The following CACNA2D1 variants were observed in gnomAD, a reference collection of about 807,000 sequenced individuals.
CACNA2D1 encodes the protein voltage-dependent calcium channel subunit alpha-2/delta-1.
Under a neutral mutation model 171.5 loss-of-function variants are expected in CACNA2D1, and 53 were observed. The ratio of observed to expected loss-of-function variants is 0.31; its 90% CI spans 0.25 to 0.39. The LOEUF is 0.39. CACNA2D1 is among the 10% of genes least tolerant of loss of function. The pLI, the probability that CACNA2D1 is intolerant of heterozygous loss-of-function variation, is 1.00. For missense variants in CACNA2D1, 903 were observed against 1,299.8 expected (o/e 0.69, Z 4.69); for synonymous variants, 442 against 443.1 (o/e 1.00, Z 0.03).
At chr7:82,171,583 G>A (rs1379830388) in intron 3 of CACNA2D1, among the ~76,000 whole-genome samples, 1 of 152,022 alleles carries the variant, frequency 6.6e-6, no homozygotes, top group African/African-American at 2.4e-5. Flanking sequence ...GACTAAATGA[G>A]TTACAAAGTG....
intron 3 of CACNA2D1, among the ~76,000 whole-genome samples, chr7:82,192,169 A>C (rs1348158999): frequency 2.6e-5 from 4 of 151,862 alleles, no homozygotes; most frequent in African/African-American, 7.2e-5. Context: ...AAATGAAAAA[A>C]AAAACCTAAA....
intron 1 of CACNA2D1, among the ~76,000 whole-genome samples, chr7:82,415,948 C>A (rs1385039007): frequency 6.6e-6 from 1 of 151,926 alleles, no homozygotes; most frequent in African/African-American, 2.4e-5. Flanking sequence ...TGTGAGGTGG[C>A]TCACACCTGT....
At chr7:82,111,419 T>A (rs1249004867) in intron 6 of CACNA2D1, among the ~76,000 whole-genome samples, 2 of 80,766 alleles carry the variant, frequency 2.5e-5, no homozygotes, top group Non-Finnish European at 5.0e-5. Context: ...TATATGTGTA[T>A]ATATGTGTGT....
intron 3 of CACNA2D1, among the ~76,000 whole-genome samples, chr7:82,183,335 G>T (rs74353514): frequency 0.032 from 4,937 of 152,118 alleles, 159 homozygotes; most frequent in East Asian, 0.11. Flanking sequence ...AAGATGGGCA[G>T]ATACTACACA....
chr7:81,977,554 C>A (rs567741553), intron 24 of CACNA2D1, among the ~76,000 whole-genome samples: 165 of 152,264 alleles, frequency 1.1e-3, no homozygotes, highest in African/African-American at 3.8e-3. Flanking sequence ...AAAACAGAAG[C>A]TGGACCCCTT....
chr7:82,051,455 T>C (rs1439452420), intron 10 of CACNA2D1, among the ~76,000 whole-genome samples: 2 of 151,942 alleles, frequency 1.3e-5, no homozygotes, highest in Non-Finnish European at 2.9e-5. Context: ...ATATAAGGAA[T>C]TATATTTTGA....
At chr7:81,966,320 T>C (rs1184632547) in intron 31 of CACNA2D1, among the ~76,000 whole-genome samples, 1 of 151,532 alleles carries the variant, frequency 6.6e-6, no homozygotes, top group African/African-American at 2.4e-5. Flanking sequence ...AAAAACATGG[T>C]TTTCAAAGTT....
chr7:81,957,289 G>A (rs1056757580), intron 38 of CACNA2D1, among the ~76,000 whole-genome samples: 6 of 151,964 alleles, frequency 3.9e-5, no homozygotes, highest in Non-Finnish European at 8.8e-5. Flanking sequence ...TTTAGGATTA[G>A]AAATGTACAT....
chr7:82,208,339 A>T (rs972101215), intron 3 of CACNA2D1, among the ~76,000 whole-genome samples: 52 of 152,156 alleles, frequency 3.4e-4, no homozygotes, highest in Admixed American at 3.4e-3. Context: ...TGATATCATT[A>T]ATAGTTTGTC....
At chr7:82,238,427 AACAG>A in intron 3 of CACNA2D1, among the ~76,000 whole-genome samples, 1 of 152,218 alleles carries the variant, frequency 6.6e-6, no homozygotes, top group Non-Finnish European at 1.5e-5. Context: ...AAAGGACATG[AACAG>A]ACACTTTCCA....
In CACNA2D1 at chr7:82,037,883, T is replaced by C. The variant is rs867772956; in HGVS notation, c.1038+194A>G. ...AATATCAAAAACTTAAAAATCTACA[T>C]TTTAGATGCCTTTTGAATTTTAAAT... is the stretch of plus-strand genomic sequence containing the variant. On this transcript the variant is annotated intron_variant, in intron 11 of 38. Transcript: ENST00000356860. 2.8e-4 allele frequency among the ~76,000 whole-genome samples: 42 copies of C among 152,288 alleles called. 1 individual carries two copies. Among genetic ancestry groups the C allele is most frequent in the Middle Eastern group, 3.4e-3 (1 of 294 alleles).
chr7:82,080,399 C>T (rs1157725667), intron 7 of CACNA2D1, among the ~76,000 whole-genome samples: 1 of 152,004 alleles, frequency 6.6e-6, no homozygotes, highest in East Asian at 1.9e-4. Context: ...TTCTATATAT[C>T]TGGACGAATA....
chr7:82,007,705 G>T lies in CACNA2D1; in HGVS notation c.1414C>A (p.Gln472Lys). 1 of 1,592,492 alleles carries T rather than the reference G, an allele frequency of 6.3e-7. No homozygotes were observed. Among genetic ancestry groups the T allele is most frequent in the Non-Finnish European group, 8.6e-7 (1 of 1,160,868 alleles). ...GTLPVFNITG[Q>K]FENKTNLKNQ... ...TTTAAGTTTGTCTTATTTTCAAATT[G>T]GCCGGTTATGTTGAAGACCGGAAGA... The change falls in exon 16 of 39, where the codon CAA becomes AAA. Residue 472 changes from glutamine (Q) to lysine (K), a missense_variant. Around this residue, in one of 5 missense-constraint regions of CACNA2D1, gnomAD observed 623 missense variants for 925.5 expected, o/e 0.67. Coordinates refer to ENST00000356860, the MANE Select transcript of CACNA2D1 (RefSeq NM_000722.4).
At chr7:82,193,755 T>A (rs1472024171) in intron 3 of CACNA2D1, among the ~76,000 whole-genome samples, 1 of 152,052 alleles carries the variant, frequency 6.6e-6, no homozygotes, top group African/African-American at 2.4e-5. Flanking sequence ...CAAATTTGTT[T>A]AACATAGTAG....
At position 82,001,377 on chromosome 7, in the gene CACNA2D1, A is replaced by C. The variant is rs368008981; in HGVS notation, c.1590+4046T>G. On this transcript the variant is annotated intron_variant, in intron 18 of 38. Transcript: ENST00000356860. ...ACATTAATTTTACAATTTTAATAAC[A>C]AATTTATTTTTAGAAGCCATCTCGT... is the stretch of plus-strand genomic sequence containing the variant. 2.6e-5 allele frequency among the ~76,000 whole-genome samples: 4 copies of C among 152,330 alleles called. No homozygotes were observed. The East Asian group carries it at 7.7e-4, about 29-fold the overall frequency.
chr7:82,024,840 C>G (rs901987085), intron 12 of CACNA2D1, among the ~76,000 whole-genome samples: 1 of 151,596 alleles, frequency 6.6e-6, no homozygotes. Context: ...AGATAAGGAT[C>G]CAATTTCATC....
chr7:82,209,117 G>A (rs1468354500), intron 3 of CACNA2D1, among the ~76,000 whole-genome samples: 1 of 152,210 alleles, frequency 6.6e-6, no homozygotes, highest in African/African-American at 2.4e-5. Context: ...CACTCACAGC[G>A]TCTCATGCAA....
At chr7:82,049,296 A>G (rs1202668137) in intron 10 of CACNA2D1, among the ~76,000 whole-genome samples, 3 of 152,288 alleles carry the variant, frequency 2.0e-5, no homozygotes, top group East Asian at 1.9e-4. Context: ...AAAAAAGTGC[A>G]TAAGAAGATA....
At chr7:82,306,777 A>G (rs887710641) in intron 3 of CACNA2D1, among the ~76,000 whole-genome samples, 1 of 152,040 alleles carries the variant, frequency 6.6e-6, no homozygotes, top group Non-Finnish European at 1.5e-5. Context: ...TATTAGCTTG[A>G]GTCATTAATA....
Sources: gnomAD v4.1 joint callset for allele counts (sites outside exome capture counted in the v4.1 genomes callset) on GRCh38, gnomAD v4.1.1 for gene constraint, gnomAD v4.1.1 regional missense constraint, MANE v1.5 for transcripts, NCBI Gene and HGNC (gene_info 2026-07-23, HGNC 2026-07-21) for gene names.